The following PABPC1 variants were observed in gnomAD, a reference collection of about 807,000 sequenced individuals.
PABPC1 encodes polyadenylate-binding protein 1.
Under a neutral mutation model 74.0 loss-of-function variants are expected in PABPC1, and 4 were observed. The observed-to-expected ratio is 0.05, with a 90% CI of 0.03 to 0.12. The LOEUF is 0.12. Among genes scored for constraint, PABPC1 ranks in the 10% least tolerant of loss-of-function variants. The pLI, the probability that PABPC1 is intolerant of heterozygous loss-of-function variation, is 1.00. For missense variants in PABPC1, 271 were observed against 821.1 expected (o/e 0.33, Z 8.19); for synonymous variants, 227 against 264.1 (o/e 0.86, Z 1.36).
intron 3 of PABPC1, among the ~76,000 whole-genome samples, chr8:100,717,323 T>G (rs1333699931): frequency 6.6e-6 from 1 of 152,208 alleles, no homozygotes; most frequent in African/African-American, 2.4e-5. Context: ...GAGTAATGTA[T>G]GTCTCTCATT....
At chr8:100,704,781 A>T in intron 13 of PABPC1, 145 bp downstream of exon 13, 1 of 816,286 alleles carries the variant, frequency 1.2e-6, no homozygotes, top group Non-Finnish European at 1.9e-6. Flanking sequence ...AATGGGGATA[A>T]ATAGCGCCAC....
In PABPC1 at chr8:100,709,133, G is replaced by T; in HGVS notation, c.1336C>A (p.Pro446Thr). The stretch of plus-strand genomic sequence containing the variant: ...CTTAATTAAAAGAAAAAAGACTTAC[G>T]ATGAGGTCTGGCACCCTGAGCAGTC... ...RWTAQGARPH[P>T]FQNMPGAIRP... The change falls in exon 9 of 15, where the codon CCA becomes ACA. Residue 446 changes from proline to threonine, a missense_variant and splice_region_variant. Physicochemically the swap from Pro to Thr is conservative, Grantham distance 38. This residue lies in a region of PABPC1 where 103 missense variants were observed against 245.3 expected (regional missense o/e 0.42). Coordinates refer to ENST00000318607, the MANE Select transcript of PABPC1 (RefSeq NM_002568.4). 6.2e-7 allele frequency: 1 copy of T among 1,611,296 alleles called. No individual in the cohort carries two copies. The highest frequency in any genetic ancestry group is 8.5e-7 in the Non-Finnish European group (1 of 1,178,150).
At chr8:100,704,438 TAA>T in intron 13 of PABPC1, 48 bp from the exon 14 acceptor site, 1 of 1,448,662 alleles carries the variant, frequency 6.9e-7, no homozygotes. Context: ...GGAATGGAAA[TAA>T]AGAGTTTCAT....
chr8:100,707,208 C>G (rs1786321), intron 9 of PABPC1: 224,300 of 423,050 alleles, frequency 0.53, 63,918 homozygotes, highest in African/African-American at 0.9. Flanking sequence ...TTATATGTAG[C>G]GACCAGCCCC....
chr8:100,713,331 C>T (rs1810578816), intron 4 of PABPC1, 150 bp from the exon 5 acceptor site: 3 of 500,518 alleles, frequency 6.0e-6, no homozygotes, highest in South Asian at 7.2e-5. Flanking sequence ...GGTAGGTATA[C>T]TTTTCCATTG....
chr8:100,710,880 G>A (rs527287293), intron 7 of PABPC1, among the ~76,000 whole-genome samples: 1 of 152,008 alleles, frequency 6.6e-6, no homozygotes, highest in Admixed American at 6.5e-5. Context: ...CCAGCTACTC[G>A]GGAAGCTGAG....
Position 100,705,888 on chromosome 8 carries a change from G to A in PABPC1, c.1603-215C>T, listed in dbSNP as rs568040583. 1.3e-4 allele frequency among the ~76,000 whole-genome samples: 20 copies of A among 152,152 alleles called. No homozygotes were observed. In the South Asian group the frequency reaches 3.5e-3, roughly 27 times the overall value. On this transcript the variant is annotated intron_variant, in intron 11 of 14. Coordinates refer to ENST00000318607, the MANE Select transcript of PABPC1 (RefSeq NM_002568.4). Reference sequence around the variant, plus strand: ...TTTTGAGATGGAGTCTCACTTTGTCGCCCAGGCTGGAATGCAACGGCACAA... The same window carrying A: ...TTTTGAGATGGAGTCTCACTTTGTCACCCAGGCTGGAATGCAACGGCACAA...
intron 3 of PABPC1, among the ~76,000 whole-genome samples, chr8:100,716,998 A>G (rs1227590918): frequency 6.6e-6 from 1 of 152,006 alleles, no homozygotes; most frequent in African/African-American, 2.4e-5. Context: ...CCCTGGTAAC[A>G]GGCATTTGTG....
intron 7 of PABPC1, among the ~76,000 whole-genome samples, chr8:100,710,564 T>C (rs1810500880): frequency 6.6e-6 from 1 of 152,082 alleles, no homozygotes; most frequent in African/African-American, 2.4e-5. Context: ...CATTGAAAAA[T>C]CTTAAATGCC....
chr8:100,710,633 G>C (rs1231357048), intron 7 of PABPC1, among the ~76,000 whole-genome samples: 1 of 152,194 alleles, frequency 6.6e-6, no homozygotes, highest in African/African-American at 2.4e-5. Flanking sequence ...TTTCTAAGAT[G>C]ACACACACAC....
Position 100,705,090 on chromosome 8 carries a change from TAA to T in PABPC1, c.1688-36_1688-35del, listed in dbSNP as rs557936751. On this transcript the variant is annotated intron_variant, in intron 12 of 14. Transcript: ENST00000318607. ...AGAAACATTCAAAAACTCCCTTCAA[TAA>T]AAAAAAGTTTTTAACTGCATTGAAT... The T allele has an allele frequency of 2.1e-4, 333 of 1,589,280 alleles. No individual in the cohort carries two copies. The South Asian group carries it at 2.2e-3, about 10-fold the overall frequency.
intron 4 of PABPC1, 150 bp downstream of exon 4, chr8:100,715,312 G>A: frequency 1.6e-6 from 1 of 629,430 alleles, no homozygotes; most frequent in Non-Finnish European, 2.6e-6. Flanking sequence ...GTAATAGATG[G>A]CCAGCAGCTT....
At chr8:100,707,110 CT>C (rs1810400665) in intron 9 of PABPC1, 113 bp from the exon 10 acceptor site, 4 of 703,068 alleles carry the variant, frequency 5.7e-6, no homozygotes, top group Non-Finnish European at 9.6e-6. Flanking sequence ...AGTGACAAAA[CT>C]TTTTAAAGCT....
At chr8:100,712,613 C>A (rs1247531859) in intron 6 of PABPC1, 39 bp downstream of exon 6, 21 of 1,587,136 alleles carry the variant, frequency 1.3e-5, no homozygotes, top group Non-Finnish European at 1.8e-5. Flanking sequence ...TAGGTTTCCT[C>A]ATCCCTGTCT....
chr8:100,706,647 A>G lies in PABPC1; in HGVS notation c.1602+4T>C. 2 of 1,449,190 alleles carry G rather than the reference A, an allele frequency of 1.4e-6. No homozygotes were observed. Among genetic ancestry groups the G allele is most frequent in the Non-Finnish European group, 1.9e-6 (2 of 1,075,388 alleles). 89.8% of individuals were successfully genotyped at this position (1,449,190 alleles called of 1,614,324 possible). ...TTTTTATTAAGAAATCATTAAATCCATACCTGTTGCATTGTAACTTGTGGC... is the reference window on the plus strand; with the variant it reads ...TTTTTATTAAGAAATCATTAAATCCGTACCTGTTGCATTGTAACTTGTGGC... On this transcript the variant is annotated splice_donor_region_variant and intron_variant, in intron 11 of 14. Transcript: ENST00000318607.
chr8:100,717,888 C>T lies in PABPC1; in HGVS notation c.388G>A (p.Val130Met). ...TTGGAACCATTTTCATCACAAACCA[C>T]CTAGGGAAAAACATATACCCATTTT... ...SAFGNILSCK[V>M]VCDENGSKGY... The change falls in exon 3 of 15, where the codon GTG (valine) becomes ATG (methionine). Residue 130 changes from valine to methionine, a missense_variant and splice_region_variant. Transcript: ENST00000318607. The T allele has an allele frequency of 6.3e-7, 1 of 1,596,370 alleles. No individual in the cohort carries two copies. The highest frequency in any genetic ancestry group is 8.6e-7 in the Non-Finnish European group (1 of 1,165,692).
rs1245232875 is a variant in PABPC1 at position 100,721,812 on chromosome 8, G to A, written c.-229C>T. 2.5e-6 allele frequency: 1 copy of A among 407,658 alleles called. No homozygotes were observed. Among genetic ancestry groups the A allele is most frequent in the Non-Finnish European group, 4.4e-6 (1 of 227,790 alleles). 25.3% of individuals were successfully genotyped at this position (407,658 alleles called of 1,614,324 possible). A position where few individuals can be genotyped will look rare whatever the true frequency, so the allele number is the denominator to read the frequency against. On this transcript the variant is annotated 5_prime_UTR_variant, in exon 1 of 15. Coordinates refer to ENST00000318607, the MANE Select transcript of PABPC1 (RefSeq NM_002568.4). The surrounding 1 kb of genome is among the most constrained non-coding windows in gnomAD (Gnocchi z 7.4). ...GCGAGGGTGGCGGTGTCGGGTCCGG[G>A]CAGCGGGAAGGCCTCGGTCTCTTGG...
intron 1 of PABPC1, among the ~76,000 whole-genome samples, chr8:100,718,938 A>G (rs569654539): frequency 2.6e-5 from 4 of 152,180 alleles, no homozygotes; most frequent in Non-Finnish European, 5.9e-5. Context: ...TTGGTTTCAT[A>G]ATCACAGAAT....
At chr8:100,708,929 C>T (rs1288610905) in intron 9 of PABPC1, among the ~76,000 whole-genome samples, 1 of 149,564 alleles carries the variant, frequency 6.7e-6, no homozygotes, top group African/African-American at 2.6e-5. Context: ...TGTACCTATT[C>T]CCAAAACTTT....
Sources: allele counts gnomAD v4.1 joint callset (sites outside exome capture counted in the v4.1 genomes callset), GRCh38; gene constraint gnomAD v4.1.1; regional missense constraint gnomAD v4.1.1; non-coding constraint Gnocchi (gnomAD v3.1); transcripts MANE v1.5; gene names NCBI Gene and HGNC (gene_info 2026-07-23, HGNC 2026-07-21).